The following GALNT1 variants were observed in gnomAD, a reference collection of about 807,000 sequenced individuals.
The protein encoded by GALNT1 is polypeptide N-acetylgalactosaminyltransferase 1, also known as GalNAc transferase 1.
GALNT1 carries 17 observed loss-of-function variants against 65.7 expected under a neutral mutation model. The observed-to-expected ratio is 0.26, with a 90% CI of 0.18 to 0.39. The LOEUF is 0.39. Among genes scored for constraint, GALNT1 ranks in the 10% least tolerant of loss-of-function variants. GALNT1 has a pLI of 1.00. For synonymous variants in GALNT1, 210 were observed against 219.7 expected (o/e 0.96, Z 0.39); for missense variants, 460 against 672.8 (o/e 0.68, Z 3.50).
At chr18:35,582,745 A>G (rs187500849) in intron 1 of GALNT1, among the ~76,000 whole-genome samples, 14 of 152,346 alleles carry the variant, frequency 9.2e-5, no homozygotes, top group Admixed American at 9.1e-4. Context: ...TTCACAGATG[A>G]AATAGTGAAG....
intron 1 of GALNT1, among the ~76,000 whole-genome samples, chr18:35,651,067 A>G (rs926327674): frequency 3.3e-5 from 5 of 152,152 alleles, no homozygotes; most frequent in African/African-American, 4.8e-5. Context: ...AATCTTCACA[A>G]TTTATGTTCT....
chr18:35,643,112 G>A (rs962319720), intron 1 of GALNT1, among the ~76,000 whole-genome samples: 5 of 152,050 alleles, frequency 3.3e-5, no homozygotes, highest in African/African-American at 9.7e-5. Flanking sequence ...GAGGGGAGGA[G>A]AGGTTAAGGG....
rs564253412 is a variant in GALNT1, at chr18:35,618,385, T to A, written c.-103-36175T>A. ...TTGAGACTAGACTGTAATGTGTGTTTGAAAAAGACTGCTCATGGATGAACT... is the reference window on the plus strand; with the variant it reads ...TTGAGACTAGACTGTAATGTGTGTTAGAAAAAGACTGCTCATGGATGAACT... On this transcript the variant is annotated intron_variant, in intron 1 of 11. Coordinates refer to ENST00000269195, the MANE Select transcript of GALNT1 (RefSeq NM_020474.4). Among the ~76,000 whole-genome samples the A allele has an allele frequency of 2.0e-5, 3 of 152,282 alleles. No homozygotes were observed. In the South Asian group the frequency reaches 6.2e-4, roughly 32 times the overall value.
intron 3 of GALNT1, among the ~76,000 whole-genome samples, chr18:35,673,703 G>A (rs906250550): frequency 2.0e-5 from 3 of 152,158 alleles, no homozygotes; most frequent in Non-Finnish European, 2.9e-5. Flanking sequence ...CTTGCAAAGT[G>A]CTGGATTGCA....
At chr18:35,617,443 A>C (rs1411782043) in intron 1 of GALNT1, among the ~76,000 whole-genome samples, 1 of 152,194 alleles carries the variant, frequency 6.6e-6, no homozygotes, top group Non-Finnish European at 1.5e-5. Flanking sequence ...TTTAAAAGTT[A>C]CTTCTTTGTT....
chr18:35,663,361 G>C (rs1053154245), intron 2 of GALNT1, among the ~76,000 whole-genome samples: 4 of 152,212 alleles, frequency 2.6e-5, no homozygotes, highest in Non-Finnish European at 5.9e-5. Context: ...AAGGAGATCA[G>C]TGTGGCAGTA....
chr18:35,631,671 A>G (rs1168019055), intron 1 of GALNT1, among the ~76,000 whole-genome samples: 2 of 151,866 alleles, frequency 1.3e-5, no homozygotes, highest in African/African-American at 4.8e-5. Context: ...CTCTCTCACC[A>G]CTCCTTTTCA....
intron 1 of GALNT1, among the ~76,000 whole-genome samples, chr18:35,633,469 T>C (rs1164332506): frequency 1.4e-5 from 2 of 145,126 alleles, no homozygotes; most frequent in Non-Finnish European, 3.0e-5. Flanking sequence ...CCCCATGTTC[T>C]CACTCATAGG....
intron 1 of GALNT1, among the ~76,000 whole-genome samples, chr18:35,616,058 T>C (rs2046780278): frequency 6.6e-6 from 1 of 152,190 alleles, no homozygotes; most frequent in Non-Finnish European, 1.5e-5. Flanking sequence ...AATACTAGTT[T>C]GCCACCCCTT....
intron 1 of GALNT1, among the ~76,000 whole-genome samples, chr18:35,628,302 C>T (rs989561920): frequency 2.0e-5 from 3 of 152,210 alleles, no homozygotes; most frequent in African/African-American, 4.8e-5. Flanking sequence ...AGTAGCCTAA[C>T]TGGGAGGCAC....
chr18:35,628,881 T>C (rs1378142207), intron 1 of GALNT1, among the ~76,000 whole-genome samples: 2 of 152,220 alleles, frequency 1.3e-5, no homozygotes, highest in Non-Finnish European at 2.9e-5. Flanking sequence ...AAGGACCTGA[T>C]GGAGCTGAAA....
chr18:35,625,363 T>C (rs1281887201), intron 1 of GALNT1, among the ~76,000 whole-genome samples: 1 of 151,950 alleles, frequency 6.6e-6, no homozygotes, highest in East Asian at 1.9e-4. Flanking sequence ...GTCAGAAAAG[T>C]AGGAGAACAA....
At chr18:35,658,065 T>G (rs1173480732) in intron 2 of GALNT1, among the ~76,000 whole-genome samples, 1 of 152,148 alleles carries the variant, frequency 6.6e-6, no homozygotes, top group Admixed American at 6.5e-5. Context: ...ACTAGTGGCA[T>G]AAGTTTCAAA....
intron 3 of GALNT1, among the ~76,000 whole-genome samples, chr18:35,675,414 C>T (rs1003731329): frequency 1.3e-5 from 2 of 152,154 alleles, no homozygotes; most frequent in Admixed American, 1.3e-4. Context: ...TTTTTATCAT[C>T]TGTTCTTCTG....
At chr18:35,709,462 G>C (rs1421977970) in intron 11 of GALNT1, among the ~76,000 whole-genome samples, 162 bp from the exon 12 acceptor site, 2 of 129,146 alleles carry the variant, frequency 1.5e-5, no homozygotes, top group East Asian at 2.1e-4. Flanking sequence ...CTCTCTCTCT[G>C]TTTCTCCATC....
chr18:35,628,647 A>G (rs993246857), intron 1 of GALNT1, among the ~76,000 whole-genome samples: 2 of 152,204 alleles, frequency 1.3e-5, no homozygotes, highest in African/African-American at 4.8e-5. Context: ...GAAAATTCTC[A>G]AAATCAGAGC....
chr18:35,605,430 G>A (rs866421777), intron 1 of GALNT1, among the ~76,000 whole-genome samples: 8 of 151,440 alleles, frequency 5.3e-5, no homozygotes, highest in African/African-American at 1.5e-4. Flanking sequence ...CTGAGGAGGC[G>A]GAGGTTGCCG....
chr18:35,614,195 T>C (rs2046753957), intron 1 of GALNT1, among the ~76,000 whole-genome samples: 1 of 152,106 alleles, frequency 6.6e-6, no homozygotes, highest in Non-Finnish European at 1.5e-5. Context: ...AGCAAAAGAC[T>C]ATCAAAAATA....
intron 1 of GALNT1, among the ~76,000 whole-genome samples, chr18:35,624,135 G>A (rs1367429796): frequency 6.6e-6 from 1 of 152,060 alleles, no homozygotes; most frequent in East Asian, 1.9e-4. Flanking sequence ...CTTTTCTTTG[G>A]AGCCTTTGGA....
Sources: gnomAD v4.1 joint callset for allele counts (sites outside exome capture counted in the v4.1 genomes callset) on GRCh38, gnomAD v4.1.1 for gene constraint, MANE v1.5 for transcripts, NCBI Gene and HGNC (gene_info 2026-07-23, HGNC 2026-07-21) for gene names.